Variants in MAIP1 observed in about 807,000 individuals in gnomAD.
MAIP1 encodes the protein matrix AAA peptidase interacting protein 1.
A neutral mutation model predicts 31.2 loss-of-function variants in MAIP1; 28 were observed. The ratio of observed to expected loss-of-function variants is 0.90; its 90% confidence interval spans 0.67 to 1.23. MAIP1 has a LOEUF of 1.23. Ranked by LOEUF, MAIP1 falls within the 50% of genes most tolerant of loss-of-function variation. The pLI is 0.00. For missense variants in MAIP1, 339 were observed against 356.0 expected (o/e 0.95, Z 0.38); for synonymous variants, 142 against 142.3 (o/e 1.00, Z 0.02).
intron 1 of MAIP1, among the ~76,000 whole-genome samples, chr2:199,959,067 G>C (rs1470029194): frequency 1.3e-5 from 2 of 152,172 alleles, no homozygotes; most frequent in Admixed American, 6.5e-5. Flanking sequence ...AGAATTAAAG[G>C]TCAAGTCACT....
chr2:199,959,814 G>T lies in MAIP1; in HGVS notation c.583G>T (p.Ala195Ser). The T allele has an allele frequency of 1.9e-6, 3 of 1,611,932 alleles. No individual in the cohort carries two copies. The highest frequency in any genetic ancestry group is 2.5e-6 in the Non-Finnish European group (3 of 1,178,576). The change falls in exon 3 of 5, where the codon GCT becomes TCT. Residue 195 changes from alanine (A) to serine (S), a missense_variant. Coordinates refer to ENST00000392290, the MANE Select transcript of MAIP1 (RefSeq NM_001394955.1). The part of the protein sequence containing the change: ...SLPDNHKNAL[A>S]ANIDEIVFTS... Reference sequence around the variant, plus strand: ...ACCTGACAACCATAAAAATGCCCTTGCTGCTAACATAGATGAAATTGTATT... The same window carrying T: ...ACCTGACAACCATAAAAATGCCCTTTCTGCTAACATAGATGAAATTGTATT...
rs2077638663 is a variant in MAIP1 at position 199,961,860 on chromosome 2, C to T, written c.729C>T (p.Ala243=). 2 of 1,613,912 alleles carry T rather than the reference C, an allele frequency of 1.2e-6. No homozygotes were observed. The highest frequency in any genetic ancestry group is 1.7e-6 in the Non-Finnish European group (2 of 1,179,824). ...ANIPSETLRG[A]SVFQVKLGNQ... ...TCCCCAGTGAAACTTTAAGAGGAGCCAGTGTATTCCAGGTTAAGTTGGGGA... is the reference window on the plus strand; with the variant it reads ...TCCCCAGTGAAACTTTAAGAGGAGCTAGTGTATTCCAGGTTAAGTTGGGGA... Residue 243 remains alanine (A), a synonymous_variant, in exon 4 of 5, where the codon GCC becomes GCT. Coordinates refer to ENST00000392290, the MANE Select transcript of MAIP1 (RefSeq NM_001394955.1).
Position 199,957,038 on chromosome 2 carries a change from G to C in MAIP1, c.450+790G>C, listed in dbSNP as rs1369058763. ...TTATTTGTAGATTTTGTGGGTACAT[G>C]CTTTTTTTTTTTTTTTTTGGACTCC... On this transcript the variant is annotated intron_variant, in intron 1 of 4. Coordinates refer to ENST00000392290, the MANE Select transcript of MAIP1 (RefSeq NM_001394955.1). Among the ~76,000 whole-genome samples the C allele has an allele frequency of 1.3e-4, 9 of 69,888 alleles. No individual in the cohort carries two copies. In the East Asian group the frequency reaches 2.8e-3, roughly 22 times the overall value. The allele number at this position is 69,888 out of a possible 152,430, so 45.8% of individuals were successfully genotyped here.
rs2077593872 is a variant in MAIP1, at chr2:199,955,598, G to A, written c.-201G>A. ...GAGGCCGGCAGACTCCAGAGTGGCT[G>A]GGTCCGAGCGCGGGGCGGGTTGCCG... On this transcript the variant is annotated 5_prime_UTR_variant, in exon 1 of 5. Transcript: ENST00000392290. 1 of 1,310,172 alleles carries A rather than the reference G, an allele frequency of 7.6e-7. No homozygotes were observed. The highest frequency in any genetic ancestry group is 1.0e-6 in the Non-Finnish European group (1 of 965,808). The allele number at this position is 1,310,172 out of a possible 1,614,324, so 81.2% of individuals were successfully genotyped here. A position where few individuals can be genotyped will look rare whatever the true frequency, so the allele number is the denominator to read the frequency against.
chr2:199,956,236 G>A lies in MAIP1; in HGVS notation c.438G>A (p.Glu146=). The part of the protein sequence containing the change: ...DKEFSITEFS[E]GAKQAFAHVS... ...AGTTCAGCATCACAGAGTTCTCCGAGGGAGCGAAGCAGGTTTGTTTATTTC... is the reference window on the plus strand; with the variant it reads ...AGTTCAGCATCACAGAGTTCTCCGAAGGAGCGAAGCAGGTTTGTTTATTTC... Residue 146 remains glutamate (E), a synonymous_variant, in exon 1 of 5, where the codon GAG becomes GAA. Transcript: ENST00000392290. The A allele has an allele frequency of 6.2e-7, 1 of 1,611,624 alleles. No homozygotes were observed. The highest frequency in any genetic ancestry group is 8.5e-7 in the Non-Finnish European group (1 of 1,178,524).
rs1162896913 is a variant in MAIP1 at position 199,961,903 on chromosome 2, AAAC to A, written c.776_778del (p.Gln259del). The A allele has an allele frequency of 6.2e-7, 1 of 1,613,308 alleles. No homozygotes were observed. On this transcript the variant is annotated inframe_deletion, in exon 4 of 5. Transcript: ENST00000392290. ...GTTGGGGAATCAGAATGTGGAAACT[AAAC>A]AACTTCTTAGTGCAAGCTATGAGTA...
chr2:199,962,931 A>T (rs17591211), intron 4 of MAIP1, among the ~76,000 whole-genome samples: 77,098 of 151,986 alleles, frequency 0.51, 19,871 homozygotes, highest in South Asian at 0.62. Context: ...ATATGTTGCC[A>T]GAGTTACACA....
chr2:199,955,569 CCG>C (rs1490070863), upstream of MAIP1: 6 of 1,461,650 alleles, frequency 4.1e-6, no homozygotes, highest in Admixed American at 1.2e-4. Flanking sequence ...GAGAAAAGGT[CCG>C]CGAGGCCGGC....
chr2:199,962,369 C>G (rs748836434), intron 4 of MAIP1, among the ~76,000 whole-genome samples: 1 of 152,174 alleles, frequency 6.6e-6, no homozygotes, highest in Non-Finnish European at 1.5e-5. Context: ...CTGCATGACT[C>G]TGTATTCTCC....
At position 199,959,055 on chromosome 2, in the gene MAIP1, C is replaced by A. The variant is rs183452318; in HGVS notation, c.451-213C>A. Among the ~76,000 whole-genome samples the A allele has an allele frequency of 2.9e-4, 44 of 152,260 alleles. 1 individual carries two copies. In the East Asian group the frequency reaches 8.1e-3, roughly 28 times the overall value. On this transcript the variant is annotated intron_variant, in intron 1 of 4. Coordinates refer to ENST00000392290, the MANE Select transcript of MAIP1 (RefSeq NM_001394955.1). ...TCATTTCCCGGTCCTGAGAGTGGAT[C>A]CAGAATTAAAGGTCAAGTCACTTAC... is the stretch of plus-strand genomic sequence containing the variant.
intron 1 of MAIP1, among the ~76,000 whole-genome samples, chr2:199,958,139 C>T (rs907525047): frequency 3.9e-5 from 6 of 152,190 alleles, no homozygotes; most frequent in African/African-American, 9.6e-5. Context: ...ATCAAGGTGT[C>T]GGAGGGGTTG....
At chr2:199,958,853 A>G (rs1219611313) in intron 1 of MAIP1, among the ~76,000 whole-genome samples, 1 of 152,214 alleles carries the variant, frequency 6.6e-6, no homozygotes, top group African/African-American at 2.4e-5. Context: ...GATTCAGACT[A>G]CAGCCCAGAT....
intron 2 of MAIP1, 97 bp downstream of exon 2, chr2:199,959,436 G>T: frequency 1.3e-6 from 1 of 764,660 alleles, no homozygotes; most frequent in Non-Finnish European, 2.3e-6. Context: ...AATAGTGTGT[G>T]TGCCAGCATC....
At chr2:199,955,551 G>C, upstream of MAIP1, 1 of 1,528,368 alleles carries the variant, frequency 6.5e-7, no homozygotes, top group Non-Finnish European at 8.9e-7. Context: ...CCGGAAACAC[G>C]AGCGACAGAG....
chr2:199,960,496 C>T (rs1162877050), intron 3 of MAIP1, among the ~76,000 whole-genome samples: 1 of 152,056 alleles, frequency 6.6e-6, no homozygotes, highest in Non-Finnish European at 1.5e-5. Flanking sequence ...CAGATTTAAC[C>T]AATCTAGGGT....
intron 1 of MAIP1, 55 bp downstream of exon 1, chr2:199,956,303 C>T (rs2077603902): frequency 7.3e-6 from 10 of 1,377,054 alleles, no homozygotes; most frequent in Non-Finnish European, 9.1e-6. Context: ...AACTATTGCT[C>T]GCAGAAGTGC....
intron 3 of MAIP1, among the ~76,000 whole-genome samples, chr2:199,961,540 G>GT (rs2105727448): frequency 6.6e-6 from 1 of 152,272 alleles, no homozygotes; most frequent in Admixed American, 6.5e-5. Context: ...TACGTGCTCA[G>GT]TTAAGTAGTA....
chr2:199,956,423 A>ATGG (rs2077605081), intron 1 of MAIP1, among the ~76,000 whole-genome samples, 175 bp downstream of exon 1: 1 of 152,130 alleles, frequency 6.6e-6, no homozygotes, highest in Non-Finnish European at 1.5e-5. Context: ...TGGGCCGGGA[A>ATGG]TGGTGGTACA....
intron 3 of MAIP1, among the ~76,000 whole-genome samples, chr2:199,961,108 A>AT (rs924976271): frequency 6.6e-6 from 1 of 151,932 alleles, no homozygotes; most frequent in South Asian, 2.1e-4. Flanking sequence ...AGCAAAAAAT[A>AT]TTTTTTTTCT....
Sources: gnomAD v4.1 joint callset for allele counts (sites outside exome capture counted in the v4.1 genomes callset) on GRCh38, gnomAD v4.1.1 for gene constraint, MANE v1.5 for transcripts, NCBI Gene and HGNC (gene_info 2026-07-23, HGNC 2026-07-21) for gene names.